The following CRYL1 variants were observed in gnomAD, a reference collection of about 807,000 sequenced individuals.
The protein encoded by CRYL1 is crystallin lambda 1.
A neutral mutation model predicts 36.6 loss-of-function variants in CRYL1; 29 were observed. The observed-to-expected ratio is 0.79, with a 90% confidence interval of 0.59 to 1.08. The LOEUF (loss-of-function observed/expected upper bound fraction) is 1.08, where lower values mean the gene tolerates loss of function less well. Ranked by LOEUF, CRYL1 falls within the 50% of genes least tolerant of loss-of-function variation. The pLI, the probability that CRYL1 is intolerant of heterozygous loss-of-function variation, is 0.00. For missense variants in CRYL1, 411 were observed against 407.9 expected, an observed-to-expected ratio of 1.01 and a Z score of -0.06; for synonymous variants, 152 against 151.5, an observed-to-expected ratio of 1.00 and a Z score of -0.02.
chr13:20,461,630 C>T (rs921240136), intron 3 of CRYL1, among the ~76,000 whole-genome samples: 4 of 152,040 alleles, frequency 2.6e-5, no homozygotes, highest in Admixed American at 6.6e-5. Context: ...AGTGGAGAAA[C>T]GGCCAGATAC....
At chr13:20,431,857 G>A (rs1003658288) in intron 5 of CRYL1, 23 of 1,444,202 alleles carry the variant, frequency 1.6e-5, no homozygotes, top group East Asian at 2.7e-5. Context: ...GCCTGTCATC[G>A]TGTCCTGGTA....
intron 1 of CRYL1, among the ~76,000 whole-genome samples, chr13:20,516,599 C>T (rs1351936619): frequency 6.6e-6 from 1 of 152,028 alleles, no homozygotes; most frequent in African/African-American, 2.4e-5. Flanking sequence ...CCTGCCTCAG[C>T]CTCCCAAGTA....
chr13:20,412,065 G>A (rs4770023), intron 6 of CRYL1, among the ~76,000 whole-genome samples: 115,525 of 152,006 alleles, frequency 0.76, 44,069 homozygotes, highest in Admixed American at 0.84. Context: ...CTCCCCTCTC[G>A]CAGAGGGAGT....
intron 5 of CRYL1, among the ~76,000 whole-genome samples, chr13:20,422,927 G>T (rs948767520): frequency 6.6e-6 from 1 of 152,168 alleles, no homozygotes; most frequent in African/African-American, 2.4e-5. Flanking sequence ...AACACAGAAT[G>T]TCCTTCCATT....
rs148527590 is a variant in CRYL1, at chr13:20,412,391, T to A, written c.739+891A>T. 2.7e-3 allele frequency among the ~76,000 whole-genome samples: 406 copies of A among 152,292 alleles called. 1 individual carries two copies. Among genetic ancestry groups the A allele is most frequent in the Non-Finnish European group, 3.9e-3 (267 of 68,026 alleles). On this transcript the variant is annotated intron_variant, in intron 6 of 7. Coordinates refer to ENST00000298248, the MANE Select transcript of CRYL1 (RefSeq NM_015974.3). ...ACAATATTTCTTTTCTCTTTCTATA[T>A]GTTTTCTAAGTTAGTAATGTTATTA...
chr13:20,449,725 G>GTTTCAAT (rs2032528561), intron 3 of CRYL1, among the ~76,000 whole-genome samples: 1 of 152,086 alleles, frequency 6.6e-6, no homozygotes, highest in Non-Finnish European at 1.5e-5. Context: ...TCCTGAAACT[G>GTTTCAAT]ATAAATGACT....
intron 3 of CRYL1, among the ~76,000 whole-genome samples, chr13:20,473,644 A>G (rs1231044053): frequency 6.6e-6 from 1 of 152,258 alleles, no homozygotes; most frequent in African/African-American, 2.4e-5. Context: ...GTGCTTCACG[A>G]AAGTACAAAC....
chr13:20,472,768 G>A (rs974900425), intron 3 of CRYL1, among the ~76,000 whole-genome samples: 3 of 152,174 alleles, frequency 2.0e-5, no homozygotes, highest in Admixed American at 2.0e-4. Flanking sequence ...CGCTCTGCTC[G>A]AACACCTTCT....
chr13:20,509,863 G>A (rs1176600024), intron 2 of CRYL1, among the ~76,000 whole-genome samples: 1 of 152,210 alleles, frequency 6.6e-6, no homozygotes, highest in African/African-American at 2.4e-5. Flanking sequence ...CTGGGAGGCA[G>A]AGGTTGCAGT....
rs182853175 is a variant in CRYL1, at chr13:20,451,175, G to A, written c.277-11421C>T. ...GTATACATATGTAACAAACCTGCAC[G>A]TTGTGCACATGTATCCTAGAACTTA... is the stretch of plus-strand genomic sequence containing the variant. On this transcript the variant is annotated intron_variant, in intron 3 of 7. Transcript: ENST00000298248. Among the ~76,000 whole-genome samples the A allele has an allele frequency of 1.9e-3, 288 of 152,104 alleles. 1 individual carries two copies. Among genetic ancestry groups the A allele is most frequent in the Non-Finnish European group, 3.3e-3 (223 of 67,994 alleles).
At chr13:20,498,723 A>C (rs940154867) in intron 2 of CRYL1, among the ~76,000 whole-genome samples, 4 of 152,240 alleles carry the variant, frequency 2.6e-5, no homozygotes, top group African/African-American at 9.6e-5. Flanking sequence ...AAAACCACAG[A>C]AGAAAACAAA....
At chr13:20,496,844 C>CCAAAA (rs2033613288) in intron 2 of CRYL1, among the ~76,000 whole-genome samples, 1 of 120,496 alleles carries the variant, frequency 8.3e-6, no homozygotes. Context: ...GACCCCGTCT[C>CCAAAA]AAAAAAAAAA....
At chr13:20,431,063 G>A in intron 5 of CRYL1, 1 of 985,428 alleles carries the variant, frequency 1.0e-6, no homozygotes, top group Non-Finnish European at 1.2e-6. Context: ...CGGCAGTCCA[G>A]TCAGACAATG....
chr13:20,438,717 C>T (rs995167636), intron 4 of CRYL1, among the ~76,000 whole-genome samples: 2 of 152,154 alleles, frequency 1.3e-5, no homozygotes, highest in Admixed American at 6.5e-5. Context: ...CTCCCTGATC[C>T]GAACCTCTGA....
intron 6 of CRYL1, among the ~76,000 whole-genome samples, chr13:20,410,817 G>T (rs1258087370): frequency 2.6e-5 from 4 of 152,184 alleles, no homozygotes; most frequent in Non-Finnish European, 5.9e-5. Context: ...TGGGGAAACT[G>T]AGATGCAGTG....
At position 20,425,934 on chromosome 13, in the gene CRYL1, T is replaced by C. The variant is rs1050833923; in HGVS notation, c.633+6168A>G. 2.6e-5 allele frequency among the ~76,000 whole-genome samples: 4 copies of C among 152,168 alleles called. No individual in the cohort carries two copies. Among genetic ancestry groups the C allele is most frequent in the African/African-American group, 9.7e-5 (4 of 41,420 alleles). ...ACAGGCATTCAGCTACAATCAGCTA[T>C]ACGGGAGTGCTGTTTCTGGGTGTCC... On this transcript the variant is annotated intron_variant, in intron 5 of 7. Coordinates refer to ENST00000298248, the MANE Select transcript of CRYL1 (RefSeq NM_015974.3). This position sits in a 1 kb window ranked among gnomAD's most constrained non-coding sequence, Gnocchi z 4.4.
intron 5 of CRYL1, among the ~76,000 whole-genome samples, chr13:20,414,210 C>T (rs201526573): frequency 0.05 from 470 of 9,314 alleles, 4 homozygotes; most frequent in Admixed American, 0.16. Flanking sequence ...AAAAAATACA[C>T]ACACACACAC....
At chr13:20,423,805 C>G (rs530632577) in intron 5 of CRYL1, among the ~76,000 whole-genome samples, 31 of 137,036 alleles carry the variant, frequency 2.3e-4, no homozygotes, top group African/African-American at 8.6e-4. Flanking sequence ...GAGTCTTGCT[C>G]TGTCACCCAG....
chr13:20,460,074 C>T (rs1593459065), intron 3 of CRYL1, among the ~76,000 whole-genome samples: 1 of 152,252 alleles, frequency 6.6e-6, no homozygotes, highest in Non-Finnish European at 1.5e-5. Flanking sequence ...TCTTGTTCAG[C>T]AATTTGCCCC....
Sources: gnomAD v4.1 joint callset for allele counts (sites outside exome capture counted in the v4.1 genomes callset) on GRCh38, gnomAD v4.1.1 for gene constraint, Gnocchi (gnomAD v3.1) non-coding constraint, MANE v1.5 for transcripts, NCBI Gene and HGNC (gene_info 2026-07-23, HGNC 2026-07-21) for gene names.